Variants in PLEKHG7 observed in about 807,000 individuals in gnomAD.
The protein encoded by PLEKHG7 is pleckstrin homology and RhoGEF domain containing G7.
In PLEKHG7, 77 loss-of-function variants were observed where a neutral mutation model predicts 85.2. The ratio of observed to expected loss-of-function variants is 0.90; its 90% confidence interval spans 0.75 to 1.09. The LOEUF (loss-of-function observed/expected upper bound fraction) is 1.09, where lower values mean the gene tolerates loss of function less well. PLEKHG7 is among the 50% of genes least tolerant of loss of function. PLEKHG7 has a pLI of 0.00. For synonymous variants in PLEKHG7, 301 were observed against 302.4 expected (o/e 1.00, Z 0.05); for missense variants, 777 against 804.3 (o/e 0.97, Z 0.41).
intron 9 of PLEKHG7, among the ~76,000 whole-genome samples, chr12:92,745,069 C>T (rs1872490682): frequency 1.3e-5 from 2 of 152,206 alleles, no homozygotes; most frequent in African/African-American, 4.8e-5. Flanking sequence ...ACTTTAATCA[C>T]TTACTATCAA....
intron 3 of PLEKHG7, among the ~76,000 whole-genome samples, chr12:92,710,516 T>G (rs982952351): frequency 3.3e-5 from 5 of 152,118 alleles, no homozygotes; most frequent in Non-Finnish European, 7.3e-5. Context: ...CCAGAAGCAC[T>G]GCATACAGGA....
intron 10 of PLEKHG7, among the ~76,000 whole-genome samples, chr12:92,746,719 A>G (rs1015642043): frequency 7.2e-5 from 11 of 152,242 alleles, no homozygotes; most frequent in African/African-American, 2.7e-4. Context: ...GGAAAATCCT[A>G]TATACATATA....
At chr12:92,723,032 AT>A (rs1490879632) in intron 3 of PLEKHG7, among the ~76,000 whole-genome samples, 1 of 152,198 alleles carries the variant, frequency 6.6e-6, no homozygotes, top group Non-Finnish European at 1.5e-5. Flanking sequence ...CTAAGCTAGA[AT>A]TTAAAGATGA....
At chr12:92,757,201 C>G (rs1872859698) in intron 13 of PLEKHG7, among the ~76,000 whole-genome samples, 1 of 152,174 alleles carries the variant, frequency 6.6e-6, no homozygotes, top group Non-Finnish European at 1.5e-5. Context: ...TTCAGTTTAC[C>G]TTACTTTATT....
chr12:92,737,294 G>T, intron 6 of PLEKHG7, 84 bp from the exon 7 acceptor site: 1 of 1,195,022 alleles, frequency 8.4e-7, no homozygotes, highest in Non-Finnish European at 1.1e-6. Flanking sequence ...TTGGTCCTTT[G>T]GAACTGCAAG....
chr12:92,756,073 G>C (rs1026062434), intron 12 of PLEKHG7, 133 bp downstream of exon 12: 1 of 731,508 alleles, frequency 1.4e-6, no homozygotes, highest in African/African-American at 1.8e-5. Context: ...AAGAAGTAAA[G>C]TCTTCATCTG....
chr12:92,761,650 G>GAAAGA (rs776071728), intron 13 of PLEKHG7, 102 bp from the exon 14 acceptor site: 1 of 1,168,230 alleles, frequency 8.6e-7, no homozygotes, highest in Non-Finnish European at 1.1e-6. Flanking sequence ...AAGAAAGAAA[G>GAAAGA]AAAGAAAGAA....
At chr12:92,705,745 A>C (rs975196556) in intron 1 of PLEKHG7, among the ~76,000 whole-genome samples, 20 of 152,230 alleles carry the variant, frequency 1.3e-4, no homozygotes, top group Non-Finnish European at 8.8e-5. Context: ...TACCTTCTTC[A>C]TGTGGGAAAG....
intron 3 of PLEKHG7, among the ~76,000 whole-genome samples, chr12:92,716,512 C>T (rs1349672388): frequency 2.6e-5 from 4 of 152,302 alleles, no homozygotes; most frequent in African/African-American, 9.6e-5. Context: ...CTCGTTCTTC[C>T]TGCCATTCCC....
At chr12:92,709,911 G>T (rs1407409871) in intron 3 of PLEKHG7, among the ~76,000 whole-genome samples, 2 of 152,148 alleles carry the variant, frequency 1.3e-5, no homozygotes, top group Non-Finnish European at 2.9e-5. Flanking sequence ...TAAGCTGGGT[G>T]TGGTGGTGGG....
In PLEKHG7 at chr12:92,756,305, AAC is replaced by A. The variant is rs746653194; in HGVS notation, c.1554_1555del (p.Ile519PhefsTer2). 6 of 1,607,468 alleles carry A rather than the reference AAC, an allele frequency of 3.7e-6. No individual in the cohort carries two copies. The South Asian group carries it at 5.5e-5, about 15-fold the overall frequency. ...TCTCGCTTGTTTTACAAGTGTTTGA[AAC>A]ACATTTTTAAAGAACACATGGCAGA... is the stretch of plus-strand genomic sequence containing the variant. On this transcript the variant is annotated frameshift_variant, in exon 13 of 17. Coordinates refer to ENST00000344636, the MANE Select transcript of PLEKHG7 (RefSeq NM_001377329.1). LOFTEE classifies it high-confidence loss of function.
At chr12:92,707,508 T>G (rs1203684413) in intron 2 of PLEKHG7, 142 bp from the exon 3 acceptor site, 1 of 1,469,036 alleles carries the variant, frequency 6.8e-7, no homozygotes, top group Non-Finnish European at 9.0e-7. Context: ...AAAGAGCCAG[T>G]TATTCAAATT....
chr12:92,717,480 T>G lies in PLEKHG7; in HGVS notation c.530+9808T>G, dbSNP rs544314693. ...ATCTTGCACAATTTCCTTAACCACT[T>G]GAAACTTCGATGTTTTTAATCCACA... On this transcript the variant is annotated intron_variant, in intron 3 of 16. Transcript: ENST00000344636. Among the ~76,000 whole-genome samples the G allele has an allele frequency of 3.7e-4, 57 of 152,330 alleles. No homozygotes were observed. The Middle Eastern group carries it at 0.01, about 27-fold the overall frequency.
rs1261234815 is a variant in PLEKHG7 at position 92,761,616 on chromosome 12, AAAGAAAG to A, written c.1637-126_1637-120del. 20 of 1,032,058 alleles carry A rather than the reference AAAGAAAG, an allele frequency of 1.9e-5. No homozygotes were observed. In the African/African-American group the frequency reaches 3.6e-4, roughly 19 times the overall value. 63.9% of individuals were successfully genotyped at this position (1,032,058 alleles called of 1,614,324 possible). The stretch of plus-strand genomic sequence containing the variant: ...TGAAAAGAAAGAAAGAAAAAGAAAG[AAAGAAAG>A]AAGAAAGAAAGAAAGAAAGAAAGAA... On this transcript the variant is annotated intron_variant, in intron 13 of 16. Transcript: ENST00000344636.
intron 4 of PLEKHG7, among the ~76,000 whole-genome samples, chr12:92,729,470 G>C (rs748849118): frequency 4.0e-5 from 6 of 149,758 alleles, no homozygotes; most frequent in Non-Finnish European, 8.9e-5. Context: ...CATTATTGCT[G>C]TCATGTTCAT....
chr12:92,743,769 A>G (rs528885497), intron 9 of PLEKHG7, among the ~76,000 whole-genome samples: 1 of 152,244 alleles, frequency 6.6e-6, no homozygotes, highest in African/African-American at 2.4e-5. Context: ...CATATTGGCC[A>G]GGCTGCTCTC....
intron 9 of PLEKHG7, among the ~76,000 whole-genome samples, chr12:92,742,160 C>T (rs1352919875): frequency 6.6e-6 from 1 of 152,152 alleles, no homozygotes; most frequent in East Asian, 1.9e-4. Context: ...AATTTTTACA[C>T]TCCACTTTTT....
At chr12:92,751,621 A>C (rs1592685311) in intron 10 of PLEKHG7, among the ~76,000 whole-genome samples, 1 of 149,326 alleles carries the variant, frequency 6.7e-6, no homozygotes. Context: ...TGATCCTCCC[A>C]CCTCGGCCTC....
chr12:92,729,032 A>T lies in PLEKHG7; in HGVS notation c.570A>T (p.Leu190Phe). ...EHRRSSVVLN[L>F]PGLEVFPGDL... ...GGCGGAGTTCTGTGGTGCTGAACTT[A>T]CCTGGACTTGAGGTGTTCCCCGGGG... is the stretch of plus-strand genomic sequence containing the variant. The change falls in exon 4 of 17, where the codon TTA (leucine) becomes TTT (phenylalanine). Residue 190 changes from leucine (L) to phenylalanine (F), a missense_variant. Leu to Phe is a conservative substitution (Grantham distance 22). Around this residue, in one of 3 missense-constraint regions of PLEKHG7, gnomAD observed 252 missense variants for 241.9 expected, o/e 1.04. Transcript: ENST00000344636. The T allele has an allele frequency of 8.1e-7, 1 of 1,231,846 alleles. No individual in the cohort carries two copies. The highest frequency in any genetic ancestry group is 1.0e-6 in the Non-Finnish European group (1 of 987,818). 76.3% of individuals were successfully genotyped at this position (1,231,846 alleles called of 1,614,324 possible).
Sources: gnomAD v4.1 joint callset for allele counts (sites outside exome capture counted in the v4.1 genomes callset) on GRCh38, gnomAD v4.1.1 for gene constraint, gnomAD v4.1.1 regional missense constraint, MANE v1.5 for transcripts, NCBI Gene and HGNC (gene_info 2026-07-23, HGNC 2026-07-21) for gene names.